Variants in CFAP20DC observed in about 807,000 individuals in gnomAD.
The protein encoded by CFAP20DC is CFAP20 domain containing, also known as protein CFAP20DC.
A neutral mutation model predicts 101.7 loss-of-function variants in CFAP20DC; 84 were observed. The ratio of observed to expected loss-of-function variants is 0.83; its 90% confidence interval spans 0.69 to 0.99. The LOEUF (loss-of-function observed/expected upper bound fraction) is 0.99, where lower values mean the gene tolerates loss of function less well. CFAP20DC is among the 50% of genes least tolerant of loss of function. The pLI is 0.00. For synonymous variants in CFAP20DC, 359 were observed against 351.2 expected (o/e 1.02, Z -0.25); for missense variants, 1,007 against 970.3 (o/e 1.04, Z -0.50).
intron 3 of CFAP20DC, chr3:58,727,206 A>T (rs1437528154): frequency 6.4e-6 from 1 of 155,934 alleles, no homozygotes. Flanking sequence ...CCCACATCTA[A>T]AGTGAGCATT....
chr3:58,739,075 A>C (rs1469020873), downstream of CFAP20DC, among the ~76,000 whole-genome samples: 3 of 151,758 alleles, frequency 2.0e-5, no homozygotes, highest in East Asian at 5.8e-4. Context: ...TCTAAAAATC[A>C]AGAAAATATA....
At position 58,899,811 on chromosome 3, in the gene CFAP20DC, A is replaced by G. The variant is rs2082990846; in HGVS notation, c.550+13897T>C. ...TCTCTGCAGGTCAAGCTGTTTGCCT[A>G]GTCAGTAATGTGAGAACCTGGATAT... On this transcript the variant is annotated intron_variant, in intron 6 of 16. Coordinates refer to ENST00000482387, the MANE Select transcript of CFAP20DC (RefSeq NM_001394063.1). This position sits in a 1 kb window ranked among gnomAD's most constrained non-coding sequence, Gnocchi z 5.0. Among the ~76,000 whole-genome samples, 1 of 152,112 alleles carries G rather than the reference A, an allele frequency of 6.6e-6. No individual in the cohort carries two copies. Among genetic ancestry groups the G allele is most frequent in the Non-Finnish European group, 1.5e-5 (1 of 68,018 alleles).
Position 59,006,244 on chromosome 3 carries a change from C to T in CFAP20DC, c.278+33313G>A, listed in dbSNP as rs570624290. ...CAGCAACCAGAATAAGCCAAGAAAA[C>T]TATAAAATCATGACGTTAAAAAGCC... On this transcript the variant is annotated intron_variant, in intron 4 of 16. Transcript: ENST00000482387. The surrounding 1 kb of genome is among the most constrained non-coding windows in gnomAD (Gnocchi z 4.3). Among the ~76,000 whole-genome samples the T allele has an allele frequency of 1.3e-3, 204 of 152,150 alleles. 1 individual carries two copies. The highest frequency in any genetic ancestry group is 4.7e-3 in the African/African-American group (194 of 41,502).
intron 4 of CFAP20DC, among the ~76,000 whole-genome samples, chr3:58,967,075 T>C (rs1329202126): frequency 6.6e-6 from 1 of 152,192 alleles, no homozygotes; most frequent in Non-Finnish European, 1.5e-5. Flanking sequence ...ATGAACAAAG[T>C]TGGAGGACTC....
Position 58,730,036 on chromosome 3 carries a change from AAAAG to A in CFAP20DC, c.198-12412_198-12409del, listed in dbSNP as rs1397022007. ...CTGTCTCCAAAAAAAAAAAAAAAAA[AAAAG>A]AAAGTTGAAATCCTCTGCAAGGTTT... On this transcript the variant is annotated intron_variant, in intron 3 of 3. Coordinates refer to the CFAP20DC transcript ENST00000486145. Among the ~76,000 whole-genome samples, 745 of 148,424 alleles carry A rather than the reference AAAAG, an allele frequency of 5.0e-3. 6 individuals carry two copies. The highest frequency in any genetic ancestry group is 0.018 in the African/African-American group (693 of 38,242).
At chr3:58,958,204 C>T (rs2090815775) in intron 4 of CFAP20DC, among the ~76,000 whole-genome samples, 1 of 152,078 alleles carries the variant, frequency 6.6e-6, no homozygotes, top group African/African-American at 2.4e-5. Context: ...TACTCAAACT[C>T]CCAGCCCCAG....
intron 13 of CFAP20DC, among the ~76,000 whole-genome samples, chr3:58,837,447 T>C (rs536699211): frequency 6.6e-6 from 1 of 152,218 alleles, no homozygotes; most frequent in Non-Finnish European, 1.5e-5. Context: ...GGATAATTAG[T>C]TGTGAGGAAC....
At chr3:59,016,178 T>C (rs1393418287) in intron 4 of CFAP20DC, among the ~76,000 whole-genome samples, 2 of 152,120 alleles carry the variant, frequency 1.3e-5, no homozygotes, top group African/African-American at 4.8e-5. Context: ...ATATACACAA[T>C]GGAATACTAT....
intron 4 of CFAP20DC, among the ~76,000 whole-genome samples, chr3:59,029,947 T>C (rs932645271): frequency 1.3e-5 from 2 of 152,214 alleles, no homozygotes; most frequent in Non-Finnish European, 2.9e-5. Flanking sequence ...AGCAGAGCTG[T>C]TGCTGGTTAT....
chr3:58,951,945 G>A (rs1045450637), intron 4 of CFAP20DC, among the ~76,000 whole-genome samples: 1 of 152,126 alleles, frequency 6.6e-6, no homozygotes, highest in African/African-American at 2.4e-5. Flanking sequence ...GTGTTCCAAA[G>A]CTCACTTTAG....
intron 15 of CFAP20DC, among the ~76,000 whole-genome samples, chr3:58,780,986 A>G (rs146944980): frequency 6.6e-6 from 1 of 152,176 alleles, no homozygotes; most frequent in African/African-American, 2.4e-5. Context: ...CAGAATAGAT[A>G]TCCTTCTAAT....
chr3:59,040,369 G>T (rs932256300), intron 3 of CFAP20DC, among the ~76,000 whole-genome samples: 1 of 151,940 alleles, frequency 6.6e-6, no homozygotes, highest in South Asian at 2.1e-4. Flanking sequence ...TACCTCTCCA[G>T]ATCTGTTCAC....
At chr3:58,889,440 T>C (rs1052085567) in intron 6 of CFAP20DC, among the ~76,000 whole-genome samples, 1 of 152,174 alleles carries the variant, frequency 6.6e-6, no homozygotes. Context: ...GAAGCTGACC[T>C]AGCTCCACAA....
chr3:58,985,605 G>T (rs1181018378), intron 4 of CFAP20DC, among the ~76,000 whole-genome samples: 1 of 152,092 alleles, frequency 6.6e-6, no homozygotes, highest in Admixed American at 6.6e-5. Flanking sequence ...TACACTAGTA[G>T]TGTGGCTTTT....
intron 4 of CFAP20DC, among the ~76,000 whole-genome samples, chr3:58,980,948 T>G (rs1047565854): frequency 6.6e-6 from 1 of 152,220 alleles, no homozygotes; most frequent in Non-Finnish European, 1.5e-5. Flanking sequence ...ATTGTATATC[T>G]AGAAAACCCC....
rs866622726 is a variant in CFAP20DC, at chr3:58,781,969, A to G, written c.2237+24426T>C. Among the ~76,000 whole-genome samples the G allele has an allele frequency of 2.4e-4, 36 of 152,198 alleles. No individual in the cohort carries two copies. In the Middle Eastern group the frequency reaches 0.01, roughly 43 times the overall value. On this transcript the variant is annotated intron_variant, in intron 15 of 16. Coordinates refer to ENST00000482387, the MANE Select transcript of CFAP20DC (RefSeq NM_001394063.1). ...TACCAAAATCAGACAATGACACAAC[A>G]AAGATAAGAAAACTAGAGGCCAATA... is the stretch of plus-strand genomic sequence containing the variant.
rs947759804 is a variant in CFAP20DC, at chr3:58,866,667, C to G, written c.1157G>C (p.Arg386Thr). ...TPSGSSSGNN[R>T]IEDKASTILT... Reference sequence around the variant, plus strand: ...GATAGTTGATGCTTTATCTTCAATCCTATTATTTCCTGAAGAGCTACCTTT... The same window carrying G: ...GATAGTTGATGCTTTATCTTCAATCGTATTATTTCCTGAAGAGCTACCTTT... Residue 386 changes from arginine to threonine, a missense_variant, in exon 11 of 17, where the codon AGG (arginine) becomes ACG (threonine). Coordinates refer to ENST00000482387, the MANE Select transcript of CFAP20DC (RefSeq NM_001394063.1). 3 of 1,585,424 alleles carry G rather than the reference C, an allele frequency of 1.9e-6. No individual in the cohort carries two copies. The highest frequency in any genetic ancestry group is 2.6e-6 in the Non-Finnish European group (3 of 1,154,744).
chr3:58,791,023 A>G (rs1248095275), intron 15 of CFAP20DC, among the ~76,000 whole-genome samples: 2 of 152,152 alleles, frequency 1.3e-5, no homozygotes, highest in Non-Finnish European at 2.9e-5. Flanking sequence ...TCAGCTCAGT[A>G]TAAGGAAGAT....
intron 5 of CFAP20DC, among the ~76,000 whole-genome samples, chr3:58,917,463 A>G (rs1016619037): frequency 6.6e-6 from 1 of 152,168 alleles, no homozygotes; most frequent in African/African-American, 2.4e-5. Flanking sequence ...AGTTCTAGCC[A>G]GCGCTGTCCT....
Sources: gnomAD v4.1 joint callset for allele counts (sites outside exome capture counted in the v4.1 genomes callset) on GRCh38, gnomAD v4.1.1 for gene constraint, Gnocchi (gnomAD v3.1) non-coding constraint, MANE v1.5 for transcripts, NCBI Gene and HGNC (gene_info 2026-07-23, HGNC 2026-07-21) for gene names.